Variants in ESR1 observed in about 807,000 individuals in gnomAD.
The protein encoded by ESR1 is estrogen receptor 1.
In ESR1, 12 loss-of-function variants were observed where a neutral mutation model predicts 52.7. That is an observed-to-expected ratio of 0.23 (90% confidence interval 0.15 to 0.37). The LOEUF (loss-of-function observed/expected upper bound fraction) is 0.37, where lower values mean the gene tolerates loss of function less well. Ranked by LOEUF, ESR1 falls within the 10% of genes least tolerant of loss-of-function variation. The pLI is 1.00. For missense variants in ESR1, 584 were observed against 779.7 expected (o/e 0.75, Z 2.99); for synonymous variants, 305 against 316.8 (o/e 0.96, Z 0.39).
intron 4 of ESR1, among the ~76,000 whole-genome samples, chr6:151,962,753 T>C (rs1194744451): frequency 2.6e-5 from 4 of 152,224 alleles, no homozygotes; most frequent in African/African-American, 9.7e-5. Context: ...ACACACTTAA[T>C]GGACCCTTTC....
intron 7 of ESR1, among the ~76,000 whole-genome samples, chr6:152,095,443 G>A (rs978380818): frequency 1.3e-5 from 2 of 152,170 alleles, no homozygotes; most frequent in African/African-American, 2.4e-5. Context: ...AGCTGCCTGA[G>A]GCCAGGGTGA....
At chr6:151,846,665 C>T (rs1785178516) in intron 2 of ESR1, among the ~76,000 whole-genome samples, 2 of 152,160 alleles carry the variant, frequency 1.3e-5, no homozygotes, top group Non-Finnish European at 2.9e-5. Flanking sequence ...AAATTTTCAT[C>T]CACTACTTAG....
At chr6:151,706,150 A>T (rs1026480722) in intron 2 of ESR1, among the ~76,000 whole-genome samples, 1 of 152,244 alleles carries the variant, frequency 6.6e-6, no homozygotes, top group African/African-American at 2.4e-5. Context: ...CCCTGCATGC[A>T]CATATAGATG....
At chr6:152,052,851 A>G (rs548547212) in intron 5 of ESR1, among the ~76,000 whole-genome samples, 114 of 152,218 alleles carry the variant, frequency 7.5e-4, no homozygotes, top group African/African-American at 2.7e-3. Flanking sequence ...AGTATCCTGC[A>G]GTATAAATTG....
Position 151,807,768 on chromosome 6 carries a change from GC to G in ESR1, c.-143del. ...CGGACCCGCAGGCTCCCGGGGCAGG[GC>G]CGGGGCCAGAGCTCGCGTGTCGGCG... is the stretch of plus-strand genomic sequence containing the variant. On this transcript the variant is annotated 5_prime_UTR_variant, in exon 1 of 8. Transcript: ENST00000206249. The G allele has an allele frequency of 2.4e-6, 2 of 823,038 alleles. No homozygotes were observed. Among genetic ancestry groups the G allele is most frequent in the Non-Finnish European group, 4.0e-6 (2 of 501,206 alleles). 51.0% of individuals were successfully genotyped at this position (823,038 alleles called of 1,614,324 possible). A position where few individuals can be genotyped will look rare whatever the true frequency, so the allele number is the denominator to read the frequency against.
chr6:151,962,049 G>A (rs923691115), intron 4 of ESR1, among the ~76,000 whole-genome samples: 12 of 152,132 alleles, frequency 7.9e-5, no homozygotes, highest in Non-Finnish European at 2.9e-5. Flanking sequence ...AGGTGAGGAG[G>A]GAGTGGATGT....
At chr6:151,926,333 GC>G (rs1162837493) in intron 3 of ESR1, among the ~76,000 whole-genome samples, 1 of 152,032 alleles carries the variant, frequency 6.6e-6, no homozygotes, top group East Asian at 1.9e-4. Flanking sequence ...TAGGTCTTTT[GC>G]CCTTCTTTAA....
intron 3 of ESR1, among the ~76,000 whole-genome samples, chr6:151,941,291 G>T (rs1376908119): frequency 6.6e-6 from 1 of 152,056 alleles, no homozygotes; most frequent in Admixed American, 6.6e-5. Context: ...TTCCTGTAAG[G>T]CTTGATCGCA....
chr6:151,865,507 A>G (rs1270477767), intron 2 of ESR1, among the ~76,000 whole-genome samples: 2 of 152,202 alleles, frequency 1.3e-5, no homozygotes, highest in African/African-American at 4.8e-5. Flanking sequence ...TCAAACAGCT[A>G]ACATTCCCTA....
At position 152,011,182 on chromosome 6, in the gene ESR1, T is replaced by A. The variant is rs115937742; in HGVS notation, c.1097-474T>A. ...TCTTTTACATATTACAAAAAAAGAG[T>A]GTGATTTAGGGACGAAGCAAAGAAA... On this transcript the variant is annotated intron_variant, in intron 4 of 7. Coordinates refer to ENST00000206249, the MANE Select transcript of ESR1 (RefSeq NM_000125.4). Among the ~76,000 whole-genome samples, 472 of 152,048 alleles carry A rather than the reference T, an allele frequency of 3.1e-3. 6 individuals are homozygous for A. The highest frequency in any genetic ancestry group is 0.011 in the African/African-American group (446 of 41,500).
chr6:151,998,399 G>A (rs922542456), intron 4 of ESR1, among the ~76,000 whole-genome samples: 1 of 151,244 alleles, frequency 6.6e-6, no homozygotes, highest in African/African-American at 2.4e-5. Context: ...TTAGCTTCTT[G>A]CAAACATTCA....
At chr6:151,734,605 T>C (rs929469596) in intron 2 of ESR1, among the ~76,000 whole-genome samples, 2 of 152,052 alleles carry the variant, frequency 1.3e-5, no homozygotes, top group Non-Finnish European at 2.9e-5. Context: ...CTGCTCCCTG[T>C]ATAAGGGCAA....
intron 3 of ESR1, among the ~76,000 whole-genome samples, chr6:151,931,405 C>T (rs1584300113): frequency 6.6e-6 from 1 of 152,046 alleles, no homozygotes; most frequent in Admixed American, 6.6e-5. Flanking sequence ...GCTTATATTA[C>T]CCATCTTTTA....
At chr6:151,970,480 G>T (rs1352231128) in intron 4 of ESR1, among the ~76,000 whole-genome samples, 1 of 152,178 alleles carries the variant, frequency 6.6e-6, no homozygotes, top group Admixed American at 6.5e-5. Context: ...GCTTGGTGAT[G>T]GGGCAGTCAC....
chr6:151,827,355 AAAAAGAAAAAG>A (rs1781680665), intron 1 of ESR1, among the ~76,000 whole-genome samples: 1 of 151,194 alleles, frequency 6.6e-6, no homozygotes, highest in African/African-American at 2.4e-5. Context: ...AAAAAAAAAA[AAAAAGAAAAAG>A]AAAAAAGAAA....
At chr6:151,657,011 A>G (rs1421028937) in intron 1 of ESR1, among the ~76,000 whole-genome samples, 1 of 152,206 alleles carries the variant, frequency 6.6e-6, no homozygotes, top group African/African-American at 2.4e-5. Context: ...ATTTATAATG[A>G]CAATCTTTCC....
At chr6:151,855,174 A>G (rs1426068778) in intron 2 of ESR1, among the ~76,000 whole-genome samples, 1 of 152,260 alleles carries the variant, frequency 6.6e-6, no homozygotes, top group Non-Finnish European at 1.5e-5. Context: ...TTGGCCTCCC[A>G]AAGTGCTGGG....
chr6:151,977,581 G>C (rs1304172364), intron 4 of ESR1, among the ~76,000 whole-genome samples: 2 of 152,040 alleles, frequency 1.3e-5, no homozygotes, highest in Non-Finnish European at 2.9e-5. Flanking sequence ...GATCGCTTGA[G>C]GTCAGGAGTT....
At chr6:151,983,252 C>T (rs1018065888) in intron 4 of ESR1, among the ~76,000 whole-genome samples, 5 of 152,126 alleles carry the variant, frequency 3.3e-5, no homozygotes, top group Non-Finnish European at 2.9e-5. Context: ...AAATTCACCA[C>T]GTAGAGAGGA....
Sources: allele counts gnomAD v4.1 joint callset (sites outside exome capture counted in the v4.1 genomes callset), GRCh38; gene constraint gnomAD v4.1.1; transcripts MANE v1.5; gene names NCBI Gene and HGNC (gene_info 2026-07-23, HGNC 2026-07-21).